The following THADA variants were observed in gnomAD, a reference collection of about 807,000 sequenced individuals.
THADA encodes tRNA (32-2'-O)-methyltransferase regulator THADA.
THADA carries 213 observed loss-of-function variants against 219.8 expected under a neutral mutation model. The ratio of observed to expected loss-of-function variants is 0.97; its 90% confidence interval spans 0.87 to 1.09. The LOEUF (loss-of-function observed/expected upper bound fraction) is 1.09. Among genes scored for constraint, THADA ranks in the 50% least tolerant of loss-of-function variants. The pLI, the probability that THADA is intolerant of heterozygous loss-of-function variation, is 0.00. For missense variants in THADA, 2,956 were observed against 2,311.3 expected, an observed-to-expected ratio of 1.28 and a Z score of -5.72; for synonymous variants, 1,018 against 828.9, an observed-to-expected ratio of 1.23 and a Z score of -3.92.
chr2:43,433,997 T>G (rs779495717), intron 26 of THADA, among the ~76,000 whole-genome samples: 6 of 152,110 alleles, frequency 3.9e-5, no homozygotes, highest in African/African-American at 7.2e-5. Context: ...CCCTGAGAAG[T>G]AGATTTTAAA....
chr2:43,313,419 A>C (rs932364043), intron 31 of THADA, among the ~76,000 whole-genome samples: 23 of 152,244 alleles, frequency 1.5e-4, no homozygotes, highest in African/African-American at 4.1e-4. Context: ...AGTTAAAACA[A>C]AATGTTTATT....
chr2:43,535,450 G>A (rs1205003723), intron 21 of THADA, among the ~76,000 whole-genome samples: 2 of 150,732 alleles, frequency 1.3e-5, no homozygotes, highest in Non-Finnish European at 3.0e-5. Flanking sequence ...AGTCCACGTC[G>A]GGCAGATCAC....
intron 22 of THADA, among the ~76,000 whole-genome samples, chr2:43,523,265 C>A (rs1692726389): frequency 6.6e-6 from 1 of 151,896 alleles, no homozygotes; most frequent in Non-Finnish European, 1.5e-5. Flanking sequence ...ACTTGGGAGG[C>A]TGAGACAGAT....
intron 36 of THADA, among the ~76,000 whole-genome samples, chr2:43,248,695 G>C (rs917464859): frequency 6.6e-6 from 1 of 152,080 alleles, no homozygotes; most frequent in Non-Finnish European, 1.5e-5. Context: ...AAAACACATG[G>C]AATCCGTTTT....
rs1264239461 is a variant in THADA, at chr2:43,551,892, C to G, written c.2844G>C (p.Val948=). The G allele has an allele frequency of 2.5e-6, 4 of 1,613,682 alleles. No individual in the cohort carries two copies. ...AGGACATCAAAAGGAGCTTCTCTAC[C>G]ACAGGTCTCCACTCGCTCACCAACT... is the stretch of plus-strand genomic sequence containing the variant. ...SLQLVSEWRP[V]VEKLLLMSYR... is the part of the protein sequence containing the mutation. Residue 948 remains valine, a synonymous_variant, in exon 19 of 38, where the codon GTG becomes GTC. Transcript: ENST00000405975.
intron 23 of THADA, among the ~76,000 whole-genome samples, chr2:43,508,035 C>G (rs1428267021): frequency 6.6e-6 from 1 of 151,956 alleles, no homozygotes; most frequent in Non-Finnish European, 1.5e-5. Flanking sequence ...TGCCTGGGCT[C>G]AAGTCTTAAC....
At chr2:43,590,713 C>G in intron 4 of THADA, 111 bp downstream of exon 4, 1 of 989,952 alleles carries the variant, frequency 1.0e-6, no homozygotes, top group Non-Finnish European at 1.4e-6. Context: ...TATGAATGAA[C>G]TTTTTGTGAT....
chr2:43,232,642 G>A lies in THADA; in HGVS notation c.5466+71C>T. On this transcript the variant is annotated intron_variant, in intron 37 of 37. Coordinates refer to ENST00000405975, the MANE Select transcript of THADA (RefSeq NM_022065.5). Reference sequence around the variant, plus strand: ...AGCATGCAAAAGCCCAGCTGAGGCTGTAGGTGCTGCATCTAGCGGGTTTAG... The same window carrying A: ...AGCATGCAAAAGCCCAGCTGAGGCTATAGGTGCTGCATCTAGCGGGTTTAG... 3 of 1,506,736 alleles carry A rather than the reference G, an allele frequency of 2.0e-6. No individual in the cohort carries two copies. In the South Asian group the frequency reaches 3.6e-5, roughly 18 times the overall value. 93.3% of individuals were successfully genotyped at this position (1,506,736 alleles called of 1,614,324 possible).
intron 26 of THADA, chr2:43,463,337 G>C (rs1249222875): frequency 6.6e-6 from 1 of 152,192 alleles, no homozygotes; most frequent in African/African-American, 2.4e-5. Flanking sequence ...ACAGCCCGTG[G>C]AGTCCTTTGG....
At chr2:43,383,777 T>C (rs188627518) in intron 29 of THADA, among the ~76,000 whole-genome samples, 1 of 152,058 alleles carries the variant, frequency 6.6e-6, no homozygotes. Context: ...AGGAAATGAG[T>C]GCTTACTAAC....
intron 28 of THADA, among the ~76,000 whole-genome samples, chr2:43,417,798 G>A (rs1410695457): frequency 1.3e-5 from 2 of 152,130 alleles, no homozygotes; most frequent in South Asian, 2.1e-4. Flanking sequence ...TCAAATTCAC[G>A]CCTTATCACT....
rs147528870 is a variant in THADA, at chr2:43,482,666, C to T, written c.3836+2568G>A. 9.9e-5 allele frequency among the ~76,000 whole-genome samples: 15 copies of T among 152,230 alleles called. No homozygotes were observed. In the East Asian group the frequency reaches 2.1e-3, roughly 22 times the overall value. ...TTCATTAGGCAATTATTCCTATATG[C>T]CTTCTATATGCCAGATACTATGCTA... On this transcript the variant is annotated intron_variant, in intron 26 of 37. Coordinates refer to ENST00000405975, the MANE Select transcript of THADA (RefSeq NM_022065.5).
At chr2:43,304,150 G>A (rs1482499527) in intron 31 of THADA, among the ~76,000 whole-genome samples, 1 of 152,020 alleles carries the variant, frequency 6.6e-6, no homozygotes, top group Non-Finnish European at 1.5e-5. Context: ...TACAGTTCCT[G>A]GCCTTCACTC....
In THADA at chr2:43,578,604, T is replaced by C; in HGVS notation, c.725A>G (p.Asp242Gly). ...TGTGCTCTGTACAGTCTGTAACAGA[T>C]CATCTATTTGGCAAAAAAGGAGAGA... ...SIFTKVLSDD[D>G]LLQTVQSTSG... The change falls in exon 9 of 38, where the codon GAT becomes GGT. Residue 242 changes from aspartate to glycine, a missense_variant. By Grantham distance (94) the Asp-to-Gly change is moderately conservative (BLOSUM62 -1). Transcript: ENST00000405975. 6.3e-7 allele frequency: 1 copy of C among 1,592,732 alleles called. No individual in the cohort carries two copies. The highest frequency in any genetic ancestry group is 8.6e-7 in the Non-Finnish European group (1 of 1,168,528).
intron 36 of THADA, among the ~76,000 whole-genome samples, chr2:43,278,159 C>T (rs1175229091): frequency 2.6e-5 from 4 of 152,042 alleles, no homozygotes; most frequent in Non-Finnish European, 5.9e-5. Flanking sequence ...CCATATTGGC[C>T]AGGCTAGTCT....
chr2:43,259,813 G>A (rs115932826), intron 36 of THADA, among the ~76,000 whole-genome samples: 5,925 of 152,246 alleles, frequency 0.039, 152 homozygotes, highest in Non-Finnish European at 0.059. Context: ...TTTGGCCCTT[G>A]TGCAAATATT....
At position 43,292,086 on chromosome 2, in the gene THADA, G is replaced by A. The variant is rs778319782; in HGVS notation, c.4937+18C>T. 8 of 1,536,728 alleles carry A rather than the reference G, an allele frequency of 5.2e-6. No individual in the cohort carries two copies. In the South Asian group the frequency reaches 7.1e-5, roughly 14 times the overall value. On this transcript the variant is annotated intron_variant, in intron 33 of 37. Coordinates refer to ENST00000405975, the MANE Select transcript of THADA (RefSeq NM_022065.5). Reference sequence around the variant, plus strand: ...CATACATCTTACCAAGGTTGCACAGGAGGTTTTGGGGGCAAACCTTTCATT... The same window carrying A: ...CATACATCTTACCAAGGTTGCACAGAAGGTTTTGGGGGCAAACCTTTCATT...
At chr2:43,339,924 T>G (rs765812624) in intron 30 of THADA, among the ~76,000 whole-genome samples, 1 of 151,592 alleles carries the variant, frequency 6.6e-6, no homozygotes, top group Non-Finnish European at 1.5e-5. Flanking sequence ...CCAGACCTCA[T>G]CTCTAAAACT....
At chr2:43,486,921 C>G (rs1573895403) in intron 25 of THADA, among the ~76,000 whole-genome samples, 1 of 152,310 alleles carries the variant, frequency 6.6e-6, no homozygotes, top group Non-Finnish European at 1.5e-5. Flanking sequence ...AGTTTGTAAC[C>G]TCTCCTCTAG....
Sources: gnomAD v4.1 joint callset for allele counts (sites outside exome capture counted in the v4.1 genomes callset) on GRCh38, gnomAD v4.1.1 for gene constraint, MANE v1.5 for transcripts, NCBI Gene and HGNC (gene_info 2026-07-23, HGNC 2026-07-21) for gene names.